RYR2: variants seen among roughly 807,000 people sequenced by gnomAD.
RYR2 encodes ryanodine receptor 2.
Under a neutral mutation model 601.1 loss-of-function variants are expected in RYR2, and 227 were observed. The ratio of observed to expected loss-of-function variants is 0.38; its 90% CI spans 0.34 to 0.42. RYR2 has a LOEUF of 0.42. Among genes scored for constraint, RYR2 ranks in the 10% least tolerant of loss-of-function variants. The pLI, the probability that RYR2 is intolerant of heterozygous loss-of-function variation, is 1.00. For missense variants in RYR2, 4,646 were observed against 6,156.5 expected (o/e 0.75, Z 8.21); for synonymous variants, 2,223 against 2,175.1 (o/e 1.02, Z -0.61).
At position 237,388,218 on chromosome 1, in the gene RYR2, C is replaced by T. The variant is rs146404170; in HGVS notation, c.773+35C>T. 10 of 1,555,124 alleles carry T rather than the reference C, an allele frequency of 6.4e-6. No homozygotes were observed. In the Admixed American group the frequency reaches 1.5e-4, roughly 24 times the overall value. On this transcript the variant is annotated intron_variant, in intron 10 of 104. Transcript: ENST00000366574. Reference sequence around the variant, plus strand: ...TGAGCTCATTGCATTGAGACTTGCACTCTTTTGCCTTGATGTAATGTTTTA... The same window carrying T: ...TGAGCTCATTGCATTGAGACTTGCATTCTTTTGCCTTGATGTAATGTTTTA...
chr1:237,058,723 C>A (rs867389521), intron 1 of RYR2, among the ~76,000 whole-genome samples: 1 of 151,376 alleles, frequency 6.6e-6, no homozygotes, highest in South Asian at 2.1e-4. Flanking sequence ...TTGAGACCAG[C>A]CTTCCTTCCT....
intron 63 of RYR2, among the ~76,000 whole-genome samples, chr1:237,688,699 T>G (rs998251724): frequency 4.6e-5 from 7 of 152,118 alleles, no homozygotes; most frequent in African/African-American, 1.2e-4. Context: ...AGAGAAATAT[T>G]TTCATGGGCT....
rs1212952097 is a variant in RYR2 at position 237,613,835 on chromosome 1, T to G, written c.4911-204T>G. On this transcript the variant is annotated intron_variant, in intron 36 of 104. Transcript: ENST00000366574. ...CAGGATGCTCAACCGGTAAGTATAA[T>G]GCAAACATTTCAAAGTCTGAATAAA... 2.6e-5 allele frequency among the ~76,000 whole-genome samples: 4 copies of G among 152,158 alleles called. No homozygotes were observed. The East Asian group carries it at 7.7e-4, about 29-fold the overall frequency.
chr1:237,511,852 A>AAAC, intron 24 of RYR2, 61 bp downstream of exon 24: 5 of 971,898 alleles, frequency 5.1e-6, no homozygotes, highest in Non-Finnish European at 5.8e-6. Flanking sequence ...AAAAAAAAAA[A>AAAC]AAAAAAACAG....
At chr1:237,633,424 A>G (rs1680548969) in intron 42 of RYR2, among the ~76,000 whole-genome samples, 154 bp from the exon 43 acceptor site, 2 of 152,212 alleles carry the variant, frequency 1.3e-5, no homozygotes, top group Admixed American at 1.3e-4. Context: ...GACGAGGCAA[A>G]TCGTAGTCTG....
intron 29 of RYR2, among the ~76,000 whole-genome samples, chr1:237,573,023 C>G (rs1365083251): frequency 6.6e-6 from 1 of 152,140 alleles, no homozygotes; most frequent in Non-Finnish European, 1.5e-5. Flanking sequence ...TGCTAAAGTA[C>G]TAAAATGGAT....
chr1:237,497,736 G>A (rs764940297), intron 20 of RYR2, among the ~76,000 whole-genome samples: 1 of 152,150 alleles, frequency 6.6e-6, no homozygotes, highest in Non-Finnish European at 1.5e-5. Flanking sequence ...ATGCTAATGA[G>A]TTTATATCTA....
At chr1:237,222,452 G>A (rs1292628051) in intron 1 of RYR2, among the ~76,000 whole-genome samples, 1 of 151,262 alleles carries the variant, frequency 6.6e-6, no homozygotes, top group Admixed American at 6.6e-5. Context: ...TGGACTTGTT[G>A]GTGCATATTA....
chr1:237,830,821 C>G (rs1011012189), intron 103 of RYR2, among the ~76,000 whole-genome samples, 191 bp downstream of exon 103: 3 of 152,196 alleles, frequency 2.0e-5, no homozygotes, highest in Admixed American at 2.0e-4. Context: ...TAAGTTGCAG[C>G]TCTTCATGTA....
chr1:237,246,530 G>A (rs1171255114), intron 1 of RYR2, among the ~76,000 whole-genome samples: 5 of 152,164 alleles, frequency 3.3e-5, no homozygotes, highest in African/African-American at 1.2e-4. Flanking sequence ...TCAAACTCCT[G>A]GGCTCAAGCA....
chr1:237,439,056 A>G (rs1181906319), intron 12 of RYR2, among the ~76,000 whole-genome samples: 1 of 152,222 alleles, frequency 6.6e-6, no homozygotes, highest in Non-Finnish European at 1.5e-5. Context: ...TAGTAAGATT[A>G]TTACTTGCCT....
intron 1 of RYR2, among the ~76,000 whole-genome samples, chr1:237,268,486 T>G (rs1215558354): frequency 2.0e-5 from 3 of 152,238 alleles, no homozygotes; most frequent in Non-Finnish European, 4.4e-5. Flanking sequence ...GCTATTTTTT[T>G]AGCAGATTAT....
chr1:237,830,695 A>C, intron 103 of RYR2, 65 bp downstream of exon 103: 1 of 747,484 alleles, frequency 1.3e-6, no homozygotes, highest in Non-Finnish European at 2.3e-6. Flanking sequence ...TGCCCATCTC[A>C]GAATAGAGAG....
rs181727380 is a variant in RYR2, at chr1:237,278,381, G to A, written c.168+7765G>A. Among the ~76,000 whole-genome samples, 516 of 146,404 alleles carry A rather than the reference G, an allele frequency of 3.5e-3. 1 individual carries two copies. The highest frequency in any genetic ancestry group is 0.012 in the African/African-American group (493 of 40,004). ...GCTGAGATTACAGCTGTCAGCCACCGTACCTGCCTGGGAATTTTTTTAAAG... is the reference window on the plus strand; with the variant it reads ...GCTGAGATTACAGCTGTCAGCCACCATACCTGCCTGGGAATTTTTTTAAAG... On this transcript the variant is annotated intron_variant, in intron 2 of 104. Transcript: ENST00000366574.
intron 1 of RYR2, among the ~76,000 whole-genome samples, chr1:237,070,298 C>T (rs910471536): frequency 1.9e-4 from 29 of 152,266 alleles, no homozygotes; most frequent in African/African-American, 3.1e-4. Flanking sequence ...TCCTGAGCAG[C>T]TGGGCCTACA....
chr1:237,629,838 A>C (rs1680065201), intron 41 of RYR2, among the ~76,000 whole-genome samples: 1 of 152,184 alleles, frequency 6.6e-6, no homozygotes, highest in African/African-American at 2.4e-5. Flanking sequence ...AAGTATTTAA[A>C]ATTATAAAAA....
At chr1:237,405,864 G>A (rs1217240098) in intron 10 of RYR2, among the ~76,000 whole-genome samples, 1 of 151,188 alleles carries the variant, frequency 6.6e-6, no homozygotes, top group Admixed American at 6.6e-5. Flanking sequence ...TTATCCTTGT[G>A]GATTTGTGAC....
At chr1:237,237,741 C>T (rs192565119) in intron 1 of RYR2, among the ~76,000 whole-genome samples, 2 of 152,292 alleles carry the variant, frequency 1.3e-5, no homozygotes, top group East Asian at 3.9e-4. Context: ...CCCTTACCCA[C>T]TCCTAGTCTT....
Position 237,819,505 on chromosome 1 carries a change from G to T in RYR2, c.14590+313G>T, listed in dbSNP as rs574734847. On this transcript the variant is annotated intron_variant, in intron 101 of 104. Transcript: ENST00000366574. This position sits in a 1 kb window ranked among gnomAD's most constrained non-coding sequence, Gnocchi z 4.0. ...ACCCCAGCTTTACAATCTTGGGTGG[G>T]TGAGCCATTTAACCCTTTAAACTTC... Among the ~76,000 whole-genome samples the T allele has an allele frequency of 6.6e-6, 1 of 152,250 alleles. No homozygotes were observed. The highest frequency in any genetic ancestry group is 2.4e-5 in the African/African-American group (1 of 41,536).
Sources: allele counts gnomAD v4.1 joint callset (sites outside exome capture counted in the v4.1 genomes callset), GRCh38; gene constraint gnomAD v4.1.1; non-coding constraint Gnocchi (gnomAD v3.1); transcripts MANE v1.5; gene names NCBI Gene and HGNC (gene_info 2026-07-23, HGNC 2026-07-21).